CACNA2D2: variants seen among roughly 807,000 people sequenced by gnomAD.
The protein encoded by CACNA2D2 is calcium voltage-gated channel auxiliary subunit alpha2delta 2.
A neutral mutation model predicts 166.4 loss-of-function variants in CACNA2D2; 48 were observed. The observed-to-expected ratio is 0.29, with a 90% confidence interval of 0.23 to 0.37. CACNA2D2 has a LOEUF of 0.37. CACNA2D2 is among the 10% of genes least tolerant of loss of function. The pLI, the probability that CACNA2D2 is intolerant of heterozygous loss-of-function variation, is 1.00. For missense variants in CACNA2D2, 1,122 were observed against 1,433.0 expected (o/e 0.78, Z 3.50); for synonymous variants, 561 against 573.7 (o/e 0.98, Z 0.32).
chr3:50,472,400 G>C (rs1226548463), intron 2 of CACNA2D2, among the ~76,000 whole-genome samples: 1 of 152,186 alleles, frequency 6.6e-6, no homozygotes, highest in East Asian at 1.9e-4. Context: ...CCTTCCCAGA[G>C]GGTAGCCTGT....
At chr3:50,397,665 C>T (rs999503634) in intron 3 of CACNA2D2, among the ~76,000 whole-genome samples, 2 of 152,352 alleles carry the variant, frequency 1.3e-5, no homozygotes, top group South Asian at 2.1e-4. Context: ...CTCCAACCCT[C>T]AGCAGCTGCA....
intron 4 of CACNA2D2, among the ~76,000 whole-genome samples, chr3:50,393,073 A>T (rs191209783): frequency 6.6e-6 from 1 of 152,266 alleles, no homozygotes; most frequent in East Asian, 1.9e-4. Context: ...GGCTTGGAGC[A>T]TAGGCATGAG....
chr3:50,447,858 C>T (rs1176666666), intron 2 of CACNA2D2, among the ~76,000 whole-genome samples: 2 of 152,150 alleles, frequency 1.3e-5, no homozygotes, highest in South Asian at 2.1e-4. Flanking sequence ...AGGTCACATC[C>T]AGAATGCCAC....
At chr3:50,471,656 G>A (rs867477484) in intron 2 of CACNA2D2, among the ~76,000 whole-genome samples, 38 of 152,322 alleles carry the variant, frequency 2.5e-4, no homozygotes, top group Middle Eastern at 6.8e-3. Context: ...GGCTGAGGTG[G>A]AGGGTGGAAG....
rs149440809 is a variant in CACNA2D2 at position 50,365,397 on chromosome 3, G to C, written c.3057C>G (p.Asn1019Lys). Residue 1019 changes from asparagine (N) to lysine (K), a missense_variant, in exon 35 of 38, where the codon AAC becomes AAG. Asn to Lys is a moderately conservative substitution (Grantham distance 94). Coordinates refer to ENST00000424201, the MANE Select transcript of CACNA2D2 (RefSeq NM_006030.4). The surrounding 1 kb of genome is among the most constrained non-coding windows in gnomAD (Gnocchi z 4.5). ...AGTCGATGATGGCGTTGTAGGAGGC[G>C]TTTACCGAGCCGAAGTAGTACTGGG... ...KQTQYYFGSV[N>K]ASYNAIIDCG... is the part of the protein sequence containing the mutation. 1.9e-6 allele frequency: 3 copies of C among 1,613,620 alleles called. No homozygotes were observed. The highest frequency in any genetic ancestry group is 1.1e-5 in the South Asian group (1 of 91,078).
At chr3:50,446,133 G>C (rs1248309744) in intron 2 of CACNA2D2, among the ~76,000 whole-genome samples, 1 of 152,256 alleles carries the variant, frequency 6.6e-6, no homozygotes, top group Non-Finnish European at 1.5e-5. Flanking sequence ...TCTAAGTTAA[G>C]TGTGCTATGC....
intron 23 of CACNA2D2, among the ~76,000 whole-genome samples, chr3:50,369,537 A>C (rs1704538443): frequency 6.6e-6 from 1 of 152,238 alleles, no homozygotes; most frequent in Non-Finnish European, 1.5e-5. Flanking sequence ...TGCACACACG[A>C]AGGTGAGGCA....
At chr3:50,408,058 C>T (rs1706808865) in intron 3 of CACNA2D2, among the ~76,000 whole-genome samples, 1 of 152,226 alleles carries the variant, frequency 6.6e-6, no homozygotes, top group Non-Finnish European at 1.5e-5. Context: ...CACACACATG[C>T]TTCCAAAAAG....
intron 3 of CACNA2D2, among the ~76,000 whole-genome samples, chr3:50,412,790 T>C (rs758244513): frequency 2.8e-4 from 43 of 152,336 alleles, no homozygotes; most frequent in Non-Finnish European, 5.1e-4. Flanking sequence ...TTTCTGAACA[T>C]GCCCTATTTA....
At chr3:50,370,437 GCTCAGAGCTGA>G in intron 22 of CACNA2D2, 57 bp from the exon 23 acceptor site, 1 of 540,562 alleles carries the variant, frequency 1.8e-6, no homozygotes, top group Non-Finnish European at 3.4e-6. Context: ...AGGCCGGGGG[GCTCAGAGCTGA>G]CGGGGCTGGA....
In CACNA2D2 at chr3:50,439,297, C is replaced by T. The variant is rs1275358876; in HGVS notation, c.289-4868G>A. 2.0e-5 allele frequency among the ~76,000 whole-genome samples: 3 copies of T among 152,198 alleles called. No individual in the cohort carries two copies. The East Asian group carries it at 5.8e-4, about 29-fold the overall frequency. The stretch of plus-strand genomic sequence containing the variant: ...GGAAGACTGGCAGGGCCAGCCCAAT[C>T]GACTAAGCACCCACCCAACCCTGGG... On this transcript the variant is annotated intron_variant, in intron 2 of 37. Coordinates refer to ENST00000424201, the MANE Select transcript of CACNA2D2 (RefSeq NM_006030.4).
chr3:50,380,831 G>T lies in CACNA2D2; in HGVS notation c.785-26C>A. On this transcript the variant is annotated intron_variant, in intron 7 of 37. Transcript: ENST00000424201. This position sits in a 1 kb window ranked among gnomAD's most constrained non-coding sequence, Gnocchi z 4.9. ...CTGAGGGAGGAGAGAAGGTGAGGGG[G>T]ACTGGCAGGAAAGGGCTGGCCTGGG... 6.5e-7 allele frequency: 1 copy of T among 1,542,184 alleles called. No homozygotes were observed. The highest frequency in any genetic ancestry group is 8.7e-7 in the Non-Finnish European group (1 of 1,144,082).
intron 3 of CACNA2D2, among the ~76,000 whole-genome samples, chr3:50,431,639 C>A (rs772227809): frequency 5.9e-5 from 9 of 152,158 alleles, no homozygotes; most frequent in African/African-American, 2.2e-4. Context: ...ACTCAGCACA[C>A]GGTGAGTATC....
At chr3:50,486,524 A>C (rs1698288783) in intron 1 of CACNA2D2, among the ~76,000 whole-genome samples, 4 of 151,944 alleles carry the variant, frequency 2.6e-5, no homozygotes. Flanking sequence ...CTCAGAGCAA[A>C]ATCCTCTGTG....
At position 50,365,280 on chromosome 3, in the gene CACNA2D2, C is replaced by T. The variant is rs1704182459; in HGVS notation, c.3098+76G>A. On this transcript the variant is annotated intron_variant, in intron 35 of 37. Transcript: ENST00000424201. The surrounding 1 kb of genome is among the most constrained non-coding windows in gnomAD (Gnocchi z 4.5). ...CCCCCGGCCGCTCGGAGGCCCCGCCCCTTCCATCCTCCCGAGCGTCTCGCC... is the reference window on the plus strand; with the variant it reads ...CCCCCGGCCGCTCGGAGGCCCCGCCTCTTCCATCCTCCCGAGCGTCTCGCC... 5 of 1,588,432 alleles carry T rather than the reference C, an allele frequency of 3.1e-6. No individual in the cohort carries two copies. The highest frequency in any genetic ancestry group is 4.3e-6 in the Non-Finnish European group (5 of 1,168,134).
At chr3:50,474,637 G>A (rs1455954355) in intron 2 of CACNA2D2, among the ~76,000 whole-genome samples, 2 of 152,190 alleles carry the variant, frequency 1.3e-5, no homozygotes, top group Non-Finnish European at 2.9e-5. Flanking sequence ...TTGACTGGAG[G>A]AGTACCGTTA....
At position 50,364,434 on chromosome 3, in the gene CACNA2D2, G is replaced by C. The variant is rs1276370063; in HGVS notation, c.*232C>G. On this transcript the variant is annotated 3_prime_UTR_variant, in exon 38 of 38. Transcript: ENST00000424201. ...GGAGCCCAGCAGGCAAGAAGGGTCT[G>C]GGGACACTTGAACAGTTCGGAGGTG... 9.0e-6 allele frequency: 5 copies of C among 554,744 alleles called. No homozygotes were observed. The highest frequency in any genetic ancestry group is 1.5e-5 in the Non-Finnish European group (5 of 322,602). The allele number at this position is 554,744 out of a possible 1,614,324, so 34.4% of individuals were successfully genotyped here.
upstream of CACNA2D2, among the ~76,000 whole-genome samples, chr3:50,503,904 C>T (rs1699097498): frequency 6.6e-6 from 1 of 152,186 alleles, no homozygotes; most frequent in Non-Finnish European, 1.5e-5. Context: ...CCGCTCCTCC[C>T]CACCCCACCC....
chr3:50,482,436 A>C (rs1243626917), intron 1 of CACNA2D2, among the ~76,000 whole-genome samples: 1 of 152,248 alleles, frequency 6.6e-6, no homozygotes. Context: ...ACCTTGAACT[A>C]GACCTTTCCT....
Sources: allele counts gnomAD v4.1 joint callset (sites outside exome capture counted in the v4.1 genomes callset), GRCh38; gene constraint gnomAD v4.1.1; non-coding constraint Gnocchi (gnomAD v3.1); transcripts MANE v1.5; gene names NCBI Gene and HGNC (gene_info 2026-07-23, HGNC 2026-07-21).